PRMT5: variants seen among roughly 807,000 people sequenced by gnomAD.
PRMT5 encodes the protein protein arginine N-methyltransferase 5.
A neutral mutation model predicts 84.0 loss-of-function variants in PRMT5; 15 were observed. That is an observed-to-expected ratio of 0.18 (90% confidence interval 0.12 to 0.28). The LOEUF is 0.28. Ranked by LOEUF, PRMT5 falls within the 10% of genes least tolerant of loss-of-function variation. PRMT5 has a pLI of 1.00. For missense variants in PRMT5, 486 were observed against 808.0 expected (o/e 0.60, Z 4.83); for synonymous variants, 276 against 292.4 (o/e 0.94, Z 0.57).
chr14:22,926,288 T>C lies in PRMT5; in HGVS notation c.622A>G (p.Ile208Val). Residue 208 changes from isoleucine (I) to valine (V), a missense_variant, in exon 7 of 17, where the codon ATT becomes GTT. Coordinates refer to ENST00000324366, the MANE Select transcript of PRMT5 (RefSeq NM_006109.5). Reference sequence around the variant, plus strand: ...TGATTAGATGGGAGGTCAGCCCCAATTTCAAGAGCTACATGAGGCAAAAGA... The same window carrying C: ...TGATTAGATGGGAGGTCAGCCCCAACTTCAAGAGCTACATGAGGCAAAAGA... Reference protein sequence around the residue: ...YSKRIAVALEIGADLPSNHVI... With the variant: ...YSKRIAVALEVGADLPSNHVI... 1 of 1,613,674 alleles carries C rather than the reference T, an allele frequency of 6.2e-7. No homozygotes were observed. The highest frequency in any genetic ancestry group is 8.5e-7 in the Non-Finnish European group (1 of 1,179,824).
In PRMT5 at chr14:22,923,525, T is replaced by C. The variant is rs1243719495; in HGVS notation, c.1376-365A>G. On this transcript the variant is annotated intron_variant, in intron 12 of 16. Coordinates refer to ENST00000324366, the MANE Select transcript of PRMT5 (RefSeq NM_006109.5). The surrounding 1 kb of genome is among the most constrained non-coding windows in gnomAD (Gnocchi z 5.2). ...ATTTATTTATTTATTTATTTATTTATTTATTTGAGATGGAGTCTCGCTCTG... is the reference window on the plus strand; with the variant it reads ...ATTTATTTATTTATTTATTTATTTACTTATTTGAGATGGAGTCTCGCTCTG... The C allele has an allele frequency of 6.5e-6, 1 of 153,780 alleles. No individual in the cohort carries two copies. Among genetic ancestry groups the C allele is most frequent in the Non-Finnish European group, 1.4e-5 (1 of 69,656 alleles). The allele number at this position is 153,780 out of a possible 1,614,324, so 9.5% of individuals were successfully genotyped here.
At position 22,926,043 on chromosome 14, in the gene PRMT5, GAGTC is replaced by G. The variant is rs765396327; in HGVS notation, c.777+86_777+89del. 5.2e-5 allele frequency: 70 copies of G among 1,343,316 alleles called. 1 individual carries two copies. Among genetic ancestry groups the G allele is most frequent in the Non-Finnish European group, 6.8e-5 (67 of 985,452 alleles). 83.2% of individuals were successfully genotyped at this position (1,343,316 alleles called of 1,614,324 possible). Reference sequence around the variant, plus strand: ...TTGCTCCCCAGAAACCAAAGAAAAAGAGTCAGCCTCACAGGAAAAAACGATCATA... The same window carrying G: ...TTGCTCCCCAGAAACCAAAGAAAAAGAGCCTCACAGGAAAAAACGATCATA... On this transcript the variant is annotated intron_variant, in intron 7 of 16. Coordinates refer to ENST00000324366, the MANE Select transcript of PRMT5 (RefSeq NM_006109.5).
In PRMT5 at chr14:22,922,170, T is replaced by G; in HGVS notation, c.1761+6A>C. The G allele has an allele frequency of 6.4e-7, 1 of 1,561,008 alleles. No individual in the cohort carries two copies. On this transcript the variant is annotated splice_donor_region_variant and intron_variant, in intron 16 of 16. Coordinates refer to ENST00000324366, the MANE Select transcript of PRMT5 (RefSeq NM_006109.5). Reference sequence around the variant, plus strand: ...TTAACTAGAGAGTCTTAAAAGCAGTTCCTACCTTAATAGGGAAGAGGATGG... The same window carrying G: ...TTAACTAGAGAGTCTTAAAAGCAGTGCCTACCTTAATAGGGAAGAGGATGG...
At chr14:22,925,243 A>C (rs1254751574) in intron 7 of PRMT5, among the ~76,000 whole-genome samples, 1 of 148,676 alleles carries the variant, frequency 6.7e-6, no homozygotes, top group Non-Finnish European at 1.5e-5. Flanking sequence ...TGCAACCTCC[A>C]CCTCCCAGGT....
Position 22,924,223 on chromosome 14 carries a change from A to C in PRMT5, c.1200-40T>G, listed in dbSNP as rs376963618. ...ATAAGGTAAGGAGAGATGTTAAGGA[A>C]ATTTGGCAATGAGGACTAACTTCCC... On this transcript the variant is annotated intron_variant, in intron 11 of 16. Transcript: ENST00000324366. This position sits in a 1 kb window ranked among gnomAD's most constrained non-coding sequence, Gnocchi z 6.5. 8 of 1,611,904 alleles carry C rather than the reference A, an allele frequency of 5.0e-6. No homozygotes were observed. Among genetic ancestry groups the C allele is most frequent in the Middle Eastern group, 1.6e-4 (1 of 6,068 alleles).
At position 22,928,247 on chromosome 14, in the gene PRMT5, T is replaced by G; in HGVS notation, c.230-36A>C. 7.5e-6 allele frequency: 12 copies of G among 1,597,442 alleles called. No homozygotes were observed. Among genetic ancestry groups the G allele is most frequent in the Non-Finnish European group, 1.0e-5 (12 of 1,165,870 alleles). On this transcript the variant is annotated intron_variant, in intron 2 of 16. Transcript: ENST00000324366. This position sits in a 1 kb window ranked among gnomAD's most constrained non-coding sequence, Gnocchi z 4.8. Reference sequence around the variant, plus strand: ...CCACCCAAGAAAGACAAATACTGAATAAGGTTCAGCACTTTACTTGTTCAA... The same window carrying G: ...CCACCCAAGAAAGACAAATACTGAAGAAGGTTCAGCACTTTACTTGTTCAA...
intron 7 of PRMT5, among the ~76,000 whole-genome samples, chr14:22,925,735 G>A (rs751311166): frequency 1.3e-5 from 2 of 151,862 alleles, no homozygotes; most frequent in Admixed American, 6.6e-5. Flanking sequence ...CAGAAGAATC[G>A]CTTAAGCCTG....
chr14:22,926,319 T>C (rs1188583491), intron 6 of PRMT5, 23 bp from the exon 7 acceptor site: 1 of 1,610,970 alleles, frequency 6.2e-7, no homozygotes, highest in Non-Finnish European at 8.5e-7. Flanking sequence ...AAAGAAAAAC[T>C]GTCAACCACT....
intron 6 of PRMT5, 62 bp from the exon 7 acceptor site, chr14:22,926,358 T>C: frequency 6.2e-7 from 1 of 1,601,762 alleles, no homozygotes; most frequent in East Asian, 2.2e-5. Context: ...CCTTGCTCCT[T>C]TGCGCAAAAT....
chr14:22,921,416 T>C (rs1239993465), intron 16 of PRMT5, among the ~76,000 whole-genome samples: 3 of 152,114 alleles, frequency 2.0e-5, no homozygotes, highest in Non-Finnish European at 2.9e-5. Context: ...GGAAAGAAGA[T>C]AGACAATTAG....
intron 7 of PRMT5, 39 bp downstream of exon 7, chr14:22,926,094 G>A (rs939190975): frequency 5.8e-6 from 9 of 1,549,264 alleles, no homozygotes; most frequent in Admixed American, 5.2e-5. Context: ...AAGGCAAGAT[G>A]TATAGCTGGA....
Position 22,929,315 on chromosome 14 carries a change from C to T in PRMT5, c.47G>A (p.Ser16Asn). The T allele has an allele frequency of 6.2e-7, 1 of 1,612,994 alleles. No homozygotes were observed. Among genetic ancestry groups the T allele is most frequent in the Non-Finnish European group, 8.5e-7 (1 of 1,179,770 alleles). ...VGGAGGSRVS[S>N]GRDLNCVPEI... ...GGGGACGCAATTCAGGTCCCTCCCG[C>T]TGGACACGCGGCTCCCACCAGCACC... The change falls in exon 1 of 17, where the codon AGC becomes AAC. Residue 16 changes from serine (S) to asparagine (N), a missense_variant. Around this residue, in one of 4 missense-constraint regions of PRMT5, gnomAD observed 51 missense variants for 53.8 expected, o/e 0.95. Transcript: ENST00000324366.
intron 7 of PRMT5, 117 bp from the exon 8 acceptor site, chr14:22,925,157 TTTTTTTTTTAA>T: frequency 8.9e-7 from 1 of 1,125,116 alleles, no homozygotes; most frequent in Non-Finnish European, 1.2e-6. Context: ...TTCTCTTTTT[TTTTTTTTTTAA>T]AAAAAAAGAT....
intron 1 of PRMT5, 30 bp downstream of exon 1, chr14:22,929,222 G>A (rs758852744): frequency 1.2e-6 from 2 of 1,613,750 alleles, no homozygotes; most frequent in East Asian, 2.2e-5. Flanking sequence ...TTCGGACCCC[G>A]CATTCCGCTC....
intron 3 of PRMT5, 62 bp from the exon 4 acceptor site, chr14:22,927,722 T>TC (rs2044456531): frequency 6.4e-7 from 1 of 1,557,978 alleles, no homozygotes; most frequent in African/African-American, 1.4e-5. Flanking sequence ...TTTTTTTTTT[T>TC]TTTGAGACAA....
At chr14:22,927,036 G>T (rs2044435301) in intron 4 of PRMT5, 1 of 522,098 alleles carries the variant, frequency 1.9e-6, no homozygotes, top group Non-Finnish European at 3.4e-6. Context: ...TACATGTTTT[G>T]AAACTCTCTT....
At position 22,929,375 on chromosome 14, in the gene PRMT5, C is replaced by G. The variant is rs945459436; in HGVS notation, c.-14G>C. The G allele has an allele frequency of 1.2e-6, 2 of 1,600,248 alleles. No homozygotes were observed. Among genetic ancestry groups the G allele is most frequent in the African/African-American group, 2.7e-5 (2 of 74,750 alleles). The stretch of plus-strand genomic sequence containing the variant: ...CATCGCCGCCATCTTTCTCCTCGCG[C>G]TGTCCACGCCGGGATTCCTTGATAC... On this transcript the variant is annotated 5_prime_UTR_variant, in exon 1 of 17. Coordinates refer to ENST00000324366, the MANE Select transcript of PRMT5 (RefSeq NM_006109.5).
At chr14:22,926,040 A>C in intron 7 of PRMT5, 93 bp downstream of exon 7, 1 of 1,339,702 alleles carries the variant, frequency 7.5e-7, no homozygotes, top group Non-Finnish European at 1.0e-6. Context: ...AACCAAAGAA[A>C]AAGAGTCAGC....
At position 22,924,210 on chromosome 14, in the gene PRMT5, G is replaced by A; in HGVS notation, c.1200-27C>T. ...TGAAACAGAGACAATAAGGTAAGGA[G>A]AGATGTTAAGGAAATTTGGCAATGA... On this transcript the variant is annotated intron_variant, in intron 11 of 16. Transcript: ENST00000324366. This position sits in a 1 kb window ranked among gnomAD's most constrained non-coding sequence, Gnocchi z 6.5. The A allele has an allele frequency of 6.2e-7, 1 of 1,611,826 alleles. No individual in the cohort carries two copies. The highest frequency in any genetic ancestry group is 8.5e-7 in the Non-Finnish European group (1 of 1,178,528).
Sources: allele counts gnomAD v4.1 joint callset (sites outside exome capture counted in the v4.1 genomes callset), GRCh38; gene constraint gnomAD v4.1.1; regional missense constraint gnomAD v4.1.1; non-coding constraint Gnocchi (gnomAD v3.1); transcripts MANE v1.5; gene names NCBI Gene and HGNC (gene_info 2026-07-23, HGNC 2026-07-21).